Variants in STAU2 observed in about 807,000 individuals in gnomAD.
The protein encoded by STAU2 is staufen double-stranded RNA binding protein 2.
A neutral mutation model predicts 65.9 loss-of-function variants in STAU2; 20 were observed. The ratio of observed to expected loss-of-function variants is 0.30; its 90% CI spans 0.21 to 0.44. The LOEUF is 0.44. Ranked by LOEUF, STAU2 falls within the 20% of genes least tolerant of loss-of-function variation. The probability of loss-of-function intolerance (pLI) is 1.00; values close to 1 mark genes in which losing one functional copy is unlikely to be tolerated. For missense variants in STAU2, 558 were observed against 683.9 expected, an observed-to-expected ratio of 0.82 and a Z score of 2.05; for synonymous variants, 232 against 233.9, an observed-to-expected ratio of 0.99 and a Z score of 0.07.
intron 6 of STAU2, among the ~76,000 whole-genome samples, chr8:73,623,419 T>C (rs1286487000): frequency 6.6e-6 from 1 of 152,204 alleles, no homozygotes; most frequent in African/African-American, 2.4e-5. Context: ...TTCTATTTGA[T>C]AGCATTATTC....
chr8:73,521,097 T>A (rs1393997600), intron 13 of STAU2, among the ~76,000 whole-genome samples: 1 of 152,188 alleles, frequency 6.6e-6, no homozygotes, highest in Non-Finnish European at 1.5e-5. Context: ...TGGGGTAATA[T>A]GTGGGAAGGC....
At chr8:73,566,042 G>A in intron 12 of STAU2, among the ~76,000 whole-genome samples, 1 of 152,174 alleles carries the variant, frequency 6.6e-6, no homozygotes, top group East Asian at 1.9e-4. Flanking sequence ...TAGTACATTG[G>A]TAAATGCACC....
intron 5 of STAU2, among the ~76,000 whole-genome samples, chr8:73,675,855 T>G (rs1359252552): frequency 6.6e-6 from 1 of 152,156 alleles, no homozygotes; most frequent in Non-Finnish European, 1.5e-5. Context: ...GTGGATTAAA[T>G]GGTAATATGG....
chr8:73,583,384 G>C (rs1243956325), intron 11 of STAU2, among the ~76,000 whole-genome samples: 1 of 152,028 alleles, frequency 6.6e-6, no homozygotes, highest in Non-Finnish European at 1.5e-5. Context: ...GACCTCAAAT[G>C]ATCCACCCAC....
At chr8:73,547,907 T>C (rs142075087) in intron 13 of STAU2, among the ~76,000 whole-genome samples, 2,920 of 152,110 alleles carry the variant, frequency 0.019, 104 homozygotes, top group African/African-American at 0.066. Context: ...TAAAAAAGAA[T>C]TGAAAAAAAA....
intron 5 of STAU2, among the ~76,000 whole-genome samples, chr8:73,684,326 T>C (rs1218031293): frequency 2.0e-5 from 3 of 152,138 alleles, no homozygotes; most frequent in Non-Finnish European, 4.4e-5. Flanking sequence ...CAAACTGATT[T>C]TCATCACAGC....
At chr8:73,654,005 G>T in intron 6 of STAU2, 1 of 252,462 alleles carries the variant, frequency 4.0e-6, no homozygotes, top group Non-Finnish European at 7.9e-6. Context: ...AAAAATAAAA[G>T]GATGACTTAC....
chr8:73,664,089 C>T (rs967550538), intron 6 of STAU2, among the ~76,000 whole-genome samples: 4 of 152,078 alleles, frequency 2.6e-5, no homozygotes, highest in African/African-American at 4.8e-5. Context: ...GGTCTCACTG[C>T]GTTGCCTAGG....
At chr8:73,628,464 C>T (rs1254506481) in intron 6 of STAU2, among the ~76,000 whole-genome samples, 1 of 152,090 alleles carries the variant, frequency 6.6e-6, no homozygotes, top group African/African-American at 2.4e-5. Context: ...GAAAATATGG[C>T]TTATTGTTTC....
At chr8:73,644,287 A>G (rs1815196311) in intron 6 of STAU2, among the ~76,000 whole-genome samples, 1 of 152,144 alleles carries the variant, frequency 6.6e-6, no homozygotes, top group Non-Finnish European at 1.5e-5. Flanking sequence ...TCATAACACT[A>G]AATACATAGA....
chr8:73,575,024 A>C (rs950869659), intron 12 of STAU2, among the ~76,000 whole-genome samples: 3 of 151,608 alleles, frequency 2.0e-5, no homozygotes, highest in Admixed American at 6.6e-5. Context: ...AGACTATTTT[A>C]AAATGTCATT....
chr8:73,496,336 C>T (rs1326516033), intron 13 of STAU2, among the ~76,000 whole-genome samples: 3 of 151,438 alleles, frequency 2.0e-5, no homozygotes, highest in South Asian at 2.1e-4. Context: ...TGAAGATGAC[C>T]ACTTTGGAGG....
At chr8:73,535,483 A>C (rs1806123910) in intron 13 of STAU2, among the ~76,000 whole-genome samples, 1 of 152,152 alleles carries the variant, frequency 6.6e-6, no homozygotes, top group African/African-American at 2.4e-5. Flanking sequence ...TTTGCTTTTT[A>C]GTTTCCATTA....
chr8:73,741,689 T>C (rs913340865), intron 1 of STAU2, among the ~76,000 whole-genome samples: 1 of 152,026 alleles, frequency 6.6e-6, no homozygotes, highest in Non-Finnish European at 1.5e-5. Flanking sequence ...ATTTTTGTAT[T>C]TTTTGTAGAG....
chr8:73,531,329 T>C (rs1441591116), intron 13 of STAU2, among the ~76,000 whole-genome samples: 2 of 152,010 alleles, frequency 1.3e-5, no homozygotes, highest in African/African-American at 4.8e-5. Flanking sequence ...CAAAGGAACA[T>C]GAATGGGAGA....
intron 12 of STAU2, among the ~76,000 whole-genome samples, chr8:73,571,396 C>A (rs1215960561): frequency 6.6e-6 from 1 of 152,154 alleles, no homozygotes; most frequent in Non-Finnish European, 1.5e-5. Flanking sequence ...ACCAAGTGGA[C>A]CTAATAGACA....
At chr8:73,468,071 A>G (rs1251101197) in intron 13 of STAU2, among the ~76,000 whole-genome samples, 1 of 152,262 alleles carries the variant, frequency 6.6e-6, no homozygotes, top group African/African-American at 2.4e-5. Flanking sequence ...ACAAGGCTAC[A>G]GTAACCAAAA....
intron 6 of STAU2, among the ~76,000 whole-genome samples, chr8:73,656,026 G>T (rs540179795): frequency 2.0e-5 from 3 of 151,934 alleles, no homozygotes; most frequent in Non-Finnish European, 4.4e-5. Context: ...CTTGTGATCC[G>T]CCCGCCTCAG....
upstream of STAU2, chr8:73,747,443 C>G (rs779461218): frequency 1.3e-6 from 2 of 1,534,688 alleles, no homozygotes; most frequent in Non-Finnish European, 1.7e-6. Flanking sequence ...GCGACCATCC[C>G]GCGTCTGCTC....
Sources: gnomAD v4.1 joint callset for allele counts (sites outside exome capture counted in the v4.1 genomes callset) on GRCh38, gnomAD v4.1.1 for gene constraint, MANE v1.5 for transcripts, NCBI Gene and HGNC (gene_info 2026-07-23, HGNC 2026-07-21) for gene names.